The following ZMAT5 variants were observed in gnomAD, a reference collection of about 807,000 sequenced individuals.
The protein encoded by ZMAT5 is zinc finger matrin-type 5.
In ZMAT5, 23 loss-of-function variants were observed where a neutral mutation model predicts 28.0. The observed-to-expected ratio is 0.82, with a 90% CI of 0.59 to 1.16. The LOEUF is 1.16. Ranked by LOEUF, ZMAT5 falls within the 50% of genes most tolerant of loss-of-function variation. The probability of loss-of-function intolerance (pLI) is 0.00; values close to 1 mark genes in which losing one functional copy is unlikely to be tolerated. For missense variants in ZMAT5, 173 were observed against 212.7 expected (o/e 0.81, Z 1.16); for synonymous variants, 76 against 84.1 (o/e 0.90, Z 0.52).
chr22:29,733,167 T>C (rs140104), intron 5 of ZMAT5, among the ~76,000 whole-genome samples: 85,124 of 152,098 alleles, frequency 0.56, 24,061 homozygotes, highest in East Asian at 0.62. Flanking sequence ...AGACACGGCC[T>C]TCCCACTTCA....
chr22:29,731,364 GA>G lies in ZMAT5; in HGVS notation c.384-11del. ...TCTGATGGGTTCAGCCCTAGAGAGA[GA>G]GAGAGAAGCGGGGAGAATAAGAGTG... On this transcript the variant is annotated splice_polypyrimidine_tract_variant and intron_variant, in intron 5 of 5. Coordinates refer to ENST00000344318, the MANE Select transcript of ZMAT5 (RefSeq NM_001003692.2). 1 of 1,544,344 alleles carries G rather than the reference GA, an allele frequency of 6.5e-7. No homozygotes were observed. Among genetic ancestry groups the G allele is most frequent in the Non-Finnish European group, 8.7e-7 (1 of 1,154,446 alleles).
rs764426459 is a variant in ZMAT5 at position 29,731,196 on chromosome 22, C to T, written c.*29G>A. ...TATTGTGACTGATGAGAAAAGTGAC[C>T]ACGTGGGGGTCAGTCGGGGGCAAGG... is the stretch of plus-strand genomic sequence containing the variant. On this transcript the variant is annotated 3_prime_UTR_variant, in exon 6 of 6. Transcript: ENST00000344318. 4.1e-6 allele frequency: 6 copies of T among 1,466,012 alleles called. No homozygotes were observed. The African/African-American group carries it at 5.9e-5, about 15-fold the overall frequency. The allele number at this position is 1,466,012 out of a possible 1,614,324, so 90.8% of individuals were successfully genotyped here. A position where few individuals can be genotyped will look rare whatever the true frequency, so the allele number is the denominator to read the frequency against.
chr22:29,746,819 G>C (rs1401499196), intron 2 of ZMAT5: 1 of 152,198 alleles, frequency 6.6e-6, no homozygotes, highest in Non-Finnish European at 1.5e-5. Context: ...TGAGAATCTG[G>C]GACTAGGTGA....
intron 1 of ZMAT5, among the ~76,000 whole-genome samples, chr22:29,755,566 A>G (rs929068826): frequency 6.6e-6 from 1 of 152,114 alleles, no homozygotes; most frequent in Admixed American, 6.6e-5. Flanking sequence ...CTTCGCTTTC[A>G]TTCCCTTATT....
At chr22:29,755,524 C>T (rs1419477888) in intron 1 of ZMAT5, among the ~76,000 whole-genome samples, 1 of 152,078 alleles carries the variant, frequency 6.6e-6, no homozygotes, top group Non-Finnish European at 1.5e-5. Flanking sequence ...TGAGGGGTGA[C>T]AGCTTCAGAT....
chr22:29,737,903 C>CA (rs2147217700), intron 5 of ZMAT5, among the ~76,000 whole-genome samples: 1 of 151,874 alleles, frequency 6.6e-6, no homozygotes, highest in Non-Finnish European at 1.5e-5. Context: ...GTCATCACGC[C>CA]TGTGCAATCC....
intron 1 of ZMAT5, among the ~76,000 whole-genome samples, chr22:29,752,776 C>T (rs1175626630): frequency 1.3e-5 from 2 of 152,206 alleles, no homozygotes; most frequent in Non-Finnish European, 2.9e-5. Context: ...CTCCTGAGCT[C>T]AAGTGATCCT....
intron 2 of ZMAT5, chr22:29,748,194 T>G (rs1456302390): frequency 3.3e-6 from 2 of 611,392 alleles, no homozygotes; most frequent in African/African-American, 1.9e-5. Flanking sequence ...CATCACCTCC[T>G]TCTAGGGCCT....
At chr22:29,738,633 T>C (rs1318495751) in intron 4 of ZMAT5, among the ~76,000 whole-genome samples, 192 bp from the exon 5 acceptor site, 1 of 152,146 alleles carries the variant, frequency 6.6e-6, no homozygotes, top group Non-Finnish European at 1.5e-5. Context: ...GGCCTCGCTC[T>C]GTTTTCCCAT....
At chr22:29,758,140 G>C (rs1421885458) in intron 1 of ZMAT5, among the ~76,000 whole-genome samples, 1 of 152,130 alleles carries the variant, frequency 6.6e-6, no homozygotes, top group Admixed American at 6.6e-5. Flanking sequence ...AAGGAACTGA[G>C]ACCCCCTGCT....
intron 1 of ZMAT5, among the ~76,000 whole-genome samples, chr22:29,763,292 CAATAAATA>C (rs201954354): frequency 0.14 from 19,805 of 140,536 alleles, 1,493 homozygotes; most frequent in South Asian, 0.24. Flanking sequence ...GACTCTGCCT[CAATAAATA>C]AATAAATAAA....
intron 5 of ZMAT5, among the ~76,000 whole-genome samples, chr22:29,737,656 C>T (rs1436094228): frequency 6.6e-6 from 1 of 152,160 alleles, no homozygotes; most frequent in African/African-American, 2.4e-5. Flanking sequence ...AGGAAGAGCC[C>T]AGGAGCTCAG....
At chr22:29,731,684 C>T in intron 5 of ZMAT5, 1 of 272,634 alleles carries the variant, frequency 3.7e-6, no homozygotes. Flanking sequence ...AGAATTAAGG[C>T]AGATTTATAT....
intron 5 of ZMAT5, among the ~76,000 whole-genome samples, chr22:29,733,685 A>G (rs936572172): frequency 8.5e-5 from 13 of 152,188 alleles, no homozygotes; most frequent in Non-Finnish European, 1.3e-4. Flanking sequence ...CCACAGGGAC[A>G]GTGGGGATCC....
intron 5 of ZMAT5, among the ~76,000 whole-genome samples, chr22:29,734,509 C>T (rs926909759): frequency 2.6e-5 from 4 of 152,210 alleles, no homozygotes; most frequent in Non-Finnish European, 5.9e-5. Flanking sequence ...GGGGAACGCC[C>T]GAACAGCAGC....
At chr22:29,759,276 G>A (rs780156313) in intron 1 of ZMAT5, among the ~76,000 whole-genome samples, 2 of 152,074 alleles carry the variant, frequency 1.3e-5, no homozygotes, top group Non-Finnish European at 2.9e-5. Flanking sequence ...CTTCTCTCCC[G>A]AGTCTGGGCA....
chr22:29,738,007 G>C (rs2067922764), intron 5 of ZMAT5, among the ~76,000 whole-genome samples: 2 of 152,092 alleles, frequency 1.3e-5, no homozygotes, highest in African/African-American at 4.8e-5. Flanking sequence ...GTGGGCAGCA[G>C]TGCATGGTGA....
chr22:29,760,976 A>T (rs1035744951), intron 1 of ZMAT5, among the ~76,000 whole-genome samples: 1 of 152,198 alleles, frequency 6.6e-6, no homozygotes, highest in Non-Finnish European at 1.5e-5. Context: ...ATATTTTGGA[A>T]TTAAAAAGTA....
chr22:29,761,533 C>T (rs2068158067), intron 1 of ZMAT5, among the ~76,000 whole-genome samples: 2 of 152,002 alleles, frequency 1.3e-5, no homozygotes, highest in African/African-American at 4.8e-5. Context: ...ATGGAGGCTG[C>T]AGTGAGCCAA....
Sources: allele counts gnomAD v4.1 joint callset (sites outside exome capture counted in the v4.1 genomes callset), GRCh38; gene constraint gnomAD v4.1.1; transcripts MANE v1.5; gene names NCBI Gene and HGNC (gene_info 2026-07-23, HGNC 2026-07-21).